Variants in FAM193A observed in about 807,000 individuals in gnomAD.
The protein encoded by FAM193A is protein FAM193A.
In FAM193A, 22 loss-of-function variants were observed where a neutral mutation model predicts 126.5. The ratio of observed to expected loss-of-function variants is 0.17; its 90% CI spans 0.12 to 0.25. FAM193A has a LOEUF of 0.25. FAM193A is among the 10% of genes least tolerant of loss of function. The pLI is 1.00. For missense variants in FAM193A, 1,675 were observed against 1,672.8 expected (o/e 1.00, Z -0.02); for synonymous variants, 761 against 646.8 (o/e 1.18, Z -2.68).
chr4:2,608,201 T>C, intron 2 of FAM193A: 2 of 1,393,854 alleles, frequency 1.4e-6, no homozygotes, highest in Non-Finnish European at 2.0e-6. Context: ...TTTTCTGTTT[T>C]CGAGACGGTC....
intron 1 of FAM193A, among the ~76,000 whole-genome samples, chr4:2,563,525 C>A (rs374323916): frequency 1.5e-4 from 22 of 143,776 alleles, no homozygotes; most frequent in African/African-American, 2.6e-4. Flanking sequence ...GTCATCTCTA[C>A]AAAAAAAAAC....
chr4:2,725,735 A>G lies in FAM193A; in HGVS notation c.4455-6040A>G, dbSNP rs1349734438. On this transcript the variant is annotated intron_variant, in intron 20 of 20. Coordinates refer to ENST00000637812, the MANE Select transcript of FAM193A (RefSeq NM_001366318.2). ...CAACTTTTTTTTTTTTTTTAAGGCAATAGTCTTGCTCTGTCACCCAGGCCG... is the reference window on the plus strand; with the variant it reads ...CAACTTTTTTTTTTTTTTTAAGGCAGTAGTCTTGCTCTGTCACCCAGGCCG... Among the ~76,000 whole-genome samples the G allele has an allele frequency of 1.1e-4, 16 of 150,876 alleles. No homozygotes were observed. In the South Asian group the frequency reaches 1.9e-3, roughly 18 times the overall value.
At chr4:2,709,482 G>T (rs954959777) in intron 19 of FAM193A, among the ~76,000 whole-genome samples, 1 of 152,144 alleles carries the variant, frequency 6.6e-6, no homozygotes, top group African/African-American at 2.4e-5. Context: ...CCGAGGAGGG[G>T]TGCGGATCAC....
chr4:2,709,674 A>T (rs1270324965), intron 19 of FAM193A, among the ~76,000 whole-genome samples: 1 of 152,146 alleles, frequency 6.6e-6, no homozygotes, highest in Non-Finnish European at 1.5e-5. Flanking sequence ...ACGCCACTGC[A>T]CTCCAGCCTG....
intron 2 of FAM193A, among the ~76,000 whole-genome samples, chr4:2,618,212 C>T (rs1560485509): frequency 6.6e-6 from 1 of 152,138 alleles, no homozygotes; most frequent in East Asian, 1.9e-4. Context: ...TGGGCCTCAG[C>T]GTGCTTTGCT....
At position 2,731,859 on chromosome 4, in the gene FAM193A, T is replaced by C. The variant is rs1464102811; in HGVS notation, c.4539T>C (p.Ala1513=). The C allele has an allele frequency of 4.4e-6, 7 of 1,595,838 alleles. No individual in the cohort carries two copies. Among genetic ancestry groups the C allele is most frequent in the Non-Finnish European group, 6.0e-6 (7 of 1,167,530 alleles). The change falls in exon 21 of 21, where the codon GCT becomes GCC. Residue 1513 remains alanine, a synonymous_variant. Coordinates refer to ENST00000637812, the MANE Select transcript of FAM193A (RefSeq NM_001366318.2). ...SNFSLKKATF[A]AH ...TTAGCTTGAAAAAAGCCACCTTTGC[T>C]GCCCACTGAATGAGGACTCCCTGGA...
At chr4:2,605,770 G>A (rs539455833) in intron 2 of FAM193A, among the ~76,000 whole-genome samples, 7 of 152,018 alleles carry the variant, frequency 4.6e-5, no homozygotes, top group African/African-American at 9.7e-5. Context: ...TCAGGAGTTC[G>A]AGACCAGCCT....
intron 16 of FAM193A, among the ~76,000 whole-genome samples, 192 bp downstream of exon 16, chr4:2,694,066 G>A (rs1246167102): frequency 6.6e-6 from 1 of 152,232 alleles, no homozygotes; most frequent in Non-Finnish European, 1.5e-5. Flanking sequence ...TAGTTTTGCA[G>A]AGGGAAGAGC....
At chr4:2,702,015 G>A (rs537640425) in intron 19 of FAM193A, among the ~76,000 whole-genome samples, 3 of 152,150 alleles carry the variant, frequency 2.0e-5, no homozygotes, top group East Asian at 3.9e-4. Flanking sequence ...CAGTTGATCC[G>A]CCTGCCTCAG....
intron 13 of FAM193A, among the ~76,000 whole-genome samples, chr4:2,686,061 T>C (rs557184973): frequency 1.3e-5 from 2 of 152,350 alleles, no homozygotes; most frequent in South Asian, 4.1e-4. Context: ...TATAAAGTCA[T>C]GGTCCAAAAA....
Position 2,700,307 on chromosome 4 carries a change from G to T in FAM193A, c.4135G>T (p.Asp1379Tyr). The T allele has an allele frequency of 6.2e-7, 1 of 1,613,970 alleles. No individual in the cohort carries two copies. The highest frequency in any genetic ancestry group is 8.5e-7 in the Non-Finnish European group (1 of 1,180,002). Reference protein sequence around the residue: ...AQTESKAKVVDLMSITEQKRE... With the variant: ...AQTESKAKVVYLMSITEQKRE... Reference sequence around the variant, plus strand: ...GACTGAGTCAAAGGCTAAGGTGGTCGACCTCATGTCCATCACAGAGCAGAA... The same window carrying T: ...GACTGAGTCAAAGGCTAAGGTGGTCTACCTCATGTCCATCACAGAGCAGAA... Residue 1379 changes from aspartate (D) to tyrosine (Y), a missense_variant, in exon 19 of 21, where the codon GAC (aspartate) becomes TAC (tyrosine). This residue lies in a region of FAM193A where 415 missense variants were observed against 396.7 expected (regional missense o/e 1.05). Coordinates refer to ENST00000637812, the MANE Select transcript of FAM193A (RefSeq NM_001366318.2).
intron 20 of FAM193A, among the ~76,000 whole-genome samples, chr4:2,728,423 C>T (rs1720999810): frequency 1.3e-5 from 2 of 151,950 alleles, no homozygotes; most frequent in Admixed American, 6.6e-5. Flanking sequence ...TGGGCAGTTT[C>T]GTTTTTCTAT....
At chr4:2,668,132 T>G (rs1186484176) in intron 12 of FAM193A, among the ~76,000 whole-genome samples, 1 of 152,114 alleles carries the variant, frequency 6.6e-6, no homozygotes, top group Non-Finnish European at 1.5e-5. Flanking sequence ...CTCAAACTCC[T>G]GGCCTTCAGT....
At chr4:2,624,981 C>T (rs543722457) in intron 2 of FAM193A, among the ~76,000 whole-genome samples, 3 of 152,166 alleles carry the variant, frequency 2.0e-5, no homozygotes, top group Non-Finnish European at 2.9e-5. Context: ...CCTCAGCCTC[C>T]TGGGTAGCTG....
rs184547387 is a variant in FAM193A at position 2,569,269 on chromosome 4, G to A, written c.256-26815G>A. 9.1e-4 allele frequency among the ~76,000 whole-genome samples: 139 copies of A among 151,974 alleles called. 1 individual carries two copies. Among genetic ancestry groups the A allele is most frequent in the Non-Finnish European group, 2.1e-4 (14 of 67,942 alleles). On this transcript the variant is annotated intron_variant, in intron 1 of 20. Transcript: ENST00000637812. ...GGCATGAGCCACTGCGCCCGGTCCA[G>A]ATTCTTGTGTAGAGCCAGCTGATCG...
chr4:2,664,944 C>T (rs1712940066), intron 12 of FAM193A, among the ~76,000 whole-genome samples: 1 of 152,122 alleles, frequency 6.6e-6, no homozygotes, highest in African/African-American at 2.4e-5. Context: ...TTGTCAACTA[C>T]AAAACGCCTC....
chr4:2,731,754 T>C (rs1374838169), intron 20 of FAM193A, 21 bp from the exon 21 acceptor site: 1 of 1,597,638 alleles, frequency 6.3e-7, no homozygotes, highest in Non-Finnish European at 8.6e-7. Flanking sequence ...TCAGTGACTG[T>C]TTGGCTTTTT....
At chr4:2,551,992 C>T (rs113556461) in intron 1 of FAM193A, among the ~76,000 whole-genome samples, 18 of 146,492 alleles carry the variant, frequency 1.2e-4, no homozygotes, top group African/African-American at 4.3e-4. Context: ...AGGTGCAAGC[C>T]ATCATGTCTG....
At position 2,726,058 on chromosome 4, in the gene FAM193A, C is replaced by G. The variant is rs184409612; in HGVS notation, c.4455-5717C>G. On this transcript the variant is annotated intron_variant, in intron 20 of 20. Coordinates refer to ENST00000637812, the MANE Select transcript of FAM193A (RefSeq NM_001366318.2). The stretch of plus-strand genomic sequence containing the variant: ...CGACTACAGGCGCCCGCCACCACGC[C>G]TGGCAATTTTTTTTGTATTTTTAGT... Among the ~76,000 whole-genome samples the G allele has an allele frequency of 7.9e-5, 12 of 152,296 alleles. No individual in the cohort carries two copies. The East Asian group carries it at 1.7e-3, about 22-fold the overall frequency.
Sources: allele counts gnomAD v4.1 joint callset (sites outside exome capture counted in the v4.1 genomes callset), GRCh38; gene constraint gnomAD v4.1.1; regional missense constraint gnomAD v4.1.1; transcripts MANE v1.5; gene names NCBI Gene and HGNC (gene_info 2026-07-23, HGNC 2026-07-21).